Variants in FAM168B observed in about 807,000 individuals in gnomAD.
FAM168B encodes family with sequence similarity 168 member B.
Under a neutral mutation model 21.8 loss-of-function variants are expected in FAM168B, and 19 were observed. That is an observed-to-expected ratio of 0.87 (90% CI 0.61 to 1.28). The LOEUF is 1.28. FAM168B is among the 50% of genes most tolerant of loss of function. FAM168B has a pLI of 0.00. For missense variants in FAM168B, 233 were observed against 263.1 expected, an observed-to-expected ratio of 0.89 and a Z score of 0.79; for synonymous variants, 126 against 104.8, an observed-to-expected ratio of 1.20 and a Z score of -1.24.
Position 131,048,532 on chromosome 2 carries a change from GAA to G in FAM168B, c.*3931_*3932del, listed in dbSNP as rs1240218472. The G allele has an allele frequency of 2.7e-6, 3 of 1,116,062 alleles. No homozygotes were observed. The highest frequency in any genetic ancestry group is 3.3e-5 in the African/African-American group (2 of 60,892). 69.1% of individuals were successfully genotyped at this position (1,116,062 alleles called of 1,614,324 possible). On this transcript the variant is annotated 3_prime_UTR_variant, in exon 7 of 7. Transcript: ENST00000389915. The stretch of plus-strand genomic sequence containing the variant: ...TCTCTCTTCTTCAAATAATGAGTAG[GAA>G]AAAGAGACAAACTTTCTGAAACATG...
Position 131,049,772 on chromosome 2 carries a change from C to G in FAM168B, c.*2693G>C. The G allele has an allele frequency of 1.0e-6, 1 of 985,842 alleles. No individual in the cohort carries two copies. Among genetic ancestry groups the G allele is most frequent in the African/African-American group, 1.7e-5 (1 of 57,350 alleles). The allele number at this position is 985,842 out of a possible 1,614,324, so 61.1% of individuals were successfully genotyped here. On this transcript the variant is annotated 3_prime_UTR_variant, in exon 7 of 7. Transcript: ENST00000389915. The stretch of plus-strand genomic sequence containing the variant: ...TCCCAAATTAGGAATGTCAAACACA[C>G]AAAAAGCAAATTTCTCAGAATGCTC...
chr2:131,091,919 G>A (rs1039775186), intron 1 of FAM168B, among the ~76,000 whole-genome samples: 1 of 150,894 alleles, frequency 6.6e-6, no homozygotes, highest in Non-Finnish European at 1.5e-5. Flanking sequence ...CACGAGGTCA[G>A]GAGATTGGGA....
chr2:131,086,338 TGGCA>T (rs2105587733), intron 1 of FAM168B, among the ~76,000 whole-genome samples: 1 of 152,070 alleles, frequency 6.6e-6, no homozygotes, highest in South Asian at 2.1e-4. Flanking sequence ...GAAAACAAAA[TGGCA>T]AGTCACAATC....
chr2:131,077,302 C>T (rs986149625), intron 2 of FAM168B, among the ~76,000 whole-genome samples: 1 of 151,972 alleles, frequency 6.6e-6, no homozygotes, highest in African/African-American at 2.4e-5. Flanking sequence ...ACGCCGCCTG[C>T]ATCTCTTTTC....
intron 3 of FAM168B, among the ~76,000 whole-genome samples, chr2:131,056,410 A>C (rs1236712544): frequency 2.0e-5 from 3 of 152,216 alleles, no homozygotes; most frequent in Non-Finnish European, 4.4e-5. Context: ...CTCGAGAAGA[A>C]GGCACTCAGC....
chr2:131,092,674 G>A (rs1230644711), intron 1 of FAM168B, among the ~76,000 whole-genome samples: 1 of 152,088 alleles, frequency 6.6e-6, no homozygotes, highest in Non-Finnish European at 1.5e-5. Flanking sequence ...CGTCGTAAAG[G>A]CGCACTGCAC....
intron 2 of FAM168B, among the ~76,000 whole-genome samples, chr2:131,080,521 G>A (rs1251096686): frequency 1.3e-5 from 2 of 151,464 alleles, no homozygotes; most frequent in Non-Finnish European, 2.9e-5. Flanking sequence ...GGGAGGCTGA[G>A]GCTGGAGAAT....
intron 3 of FAM168B, among the ~76,000 whole-genome samples, chr2:131,071,107 A>G (rs1014995918): frequency 6.6e-6 from 1 of 152,234 alleles, no homozygotes; most frequent in Non-Finnish European, 1.5e-5. Context: ...GCAGAATTTT[A>G]TGATTAACAA....
At position 131,050,731 on chromosome 2, in the gene FAM168B, A is replaced by C. The variant is rs2097017735; in HGVS notation, c.*1734T>G. On this transcript the variant is annotated 3_prime_UTR_variant, in exon 7 of 7. Transcript: ENST00000389915. ...TCAGTGGTCAGGTGTCCCCCCACCA[A>C]CCAACTGGGGCAGAATGCTAGTGGG... 2 of 985,274 alleles carry C rather than the reference A, an allele frequency of 2.0e-6. No homozygotes were observed. Among genetic ancestry groups the C allele is most frequent in the Admixed American group, 6.2e-5 (1 of 16,256 alleles). 61.0% of individuals were successfully genotyped at this position (985,274 alleles called of 1,614,324 possible). A position where few individuals can be genotyped will look rare whatever the true frequency, so the allele number is the denominator to read the frequency against.
chr2:131,050,124 G>A lies in FAM168B; in HGVS notation c.*2341C>T. The A allele has an allele frequency of 3.0e-6, 3 of 985,448 alleles. No individual in the cohort carries two copies. Among genetic ancestry groups the A allele is most frequent in the Non-Finnish European group, 3.6e-6 (3 of 829,944 alleles). 61.0% of individuals were successfully genotyped at this position (985,448 alleles called of 1,614,324 possible). On this transcript the variant is annotated 3_prime_UTR_variant, in exon 7 of 7. Transcript: ENST00000389915. ...AAGTGTTTATGAAGCTGATGTAAATGGCGTGTGGGGGGTGCAGCCCACTCT... is the reference window on the plus strand; with the variant it reads ...AAGTGTTTATGAAGCTGATGTAAATAGCGTGTGGGGGGTGCAGCCCACTCT...
intron 3 of FAM168B, among the ~76,000 whole-genome samples, chr2:131,064,434 C>T (rs1692455064): frequency 6.6e-6 from 1 of 152,014 alleles, no homozygotes; most frequent in African/African-American, 2.4e-5. Context: ...CAAAGAAAAA[C>T]CAAGGTTACA....
At chr2:131,078,880 G>C (rs1558985447) in intron 2 of FAM168B, among the ~76,000 whole-genome samples, 2 of 151,952 alleles carry the variant, frequency 1.3e-5, no homozygotes. Flanking sequence ...CAGCTACTTG[G>C]GAGGCTGAGG....
chr2:131,079,656 C>T (rs889916214), intron 2 of FAM168B, among the ~76,000 whole-genome samples: 2 of 152,126 alleles, frequency 1.3e-5, no homozygotes, highest in African/African-American at 4.8e-5. Context: ...GCCTTGATTT[C>T]GAACCTCTGG....
intron 1 of FAM168B, among the ~76,000 whole-genome samples, chr2:131,092,393 T>A (rs975417641): frequency 6.6e-6 from 1 of 152,238 alleles, no homozygotes. Flanking sequence ...AAATGTGTCC[T>A]GTTTTTGCCA....
chr2:131,086,214 T>G (rs977376022), intron 1 of FAM168B, among the ~76,000 whole-genome samples: 1 of 152,200 alleles, frequency 6.6e-6, no homozygotes, highest in African/African-American at 2.4e-5. Context: ...AACTATCATC[T>G]CTCAAGAAGC....
chr2:131,071,901 G>T lies in FAM168B; in HGVS notation c.108C>A (p.Ala36=). The T allele has an allele frequency of 6.2e-7, 1 of 1,614,046 alleles. No individual in the cohort carries two copies. The highest frequency in any genetic ancestry group is 8.5e-7 in the Non-Finnish European group (1 of 1,179,958). ...CTCCAGGATACATGTTAGGAGAATA[G>T]GCAGGAGCTGCTGCTGCATAGCCCA... ...FPMGYAAAAP[A]YSPNMYPGAN... is the part of the protein sequence containing the mutation. Residue 36 remains alanine, a synonymous_variant, in exon 3 of 7, where the codon GCC becomes GCA. Coordinates refer to ENST00000389915, the MANE Select transcript of FAM168B (RefSeq NM_001009993.4).
chr2:131,085,918 AGATT>A lies in FAM168B; in HGVS notation c.-11-3265_-11-3262del, dbSNP rs1693672627. ...AGTAAGGCTAAATGAGGCTACTGTGAGATTGATCTTTTAGCTTTATTTAACTTCA... is the reference window on the plus strand; with the variant it reads ...AGTAAGGCTAAATGAGGCTACTGTGAGATCTTTTAGCTTTATTTAACTTCA... On this transcript the variant is annotated intron_variant, in intron 1 of 6. Transcript: ENST00000389915. 2.6e-5 allele frequency among the ~76,000 whole-genome samples: 4 copies of A among 152,334 alleles called. No individual in the cohort carries two copies. In the South Asian group the frequency reaches 8.3e-4, roughly 32 times the overall value.
chr2:131,072,189 T>G (rs1692907896), intron 2 of FAM168B, among the ~76,000 whole-genome samples: 1 of 152,064 alleles, frequency 6.6e-6, no homozygotes, highest in South Asian at 2.1e-4. Flanking sequence ...AATGGCATGA[T>G]CTTGGCTCAC....
At chr2:131,071,794 C>A (rs183123224) in intron 3 of FAM168B, 61 bp downstream of exon 3, 11 of 1,329,942 alleles carry the variant, frequency 8.3e-6, no homozygotes, top group Non-Finnish European at 1.2e-5. Flanking sequence ...CTCTCAAAAT[C>A]CACCCCTTCA....
Sources: allele counts gnomAD v4.1 joint callset (sites outside exome capture counted in the v4.1 genomes callset), GRCh38; gene constraint gnomAD v4.1.1; transcripts MANE v1.5; gene names NCBI Gene and HGNC (gene_info 2026-07-23, HGNC 2026-07-21).